TKTL1: variants seen among roughly 807,000 people sequenced by gnomAD.
TKTL1 encodes transketolase-like protein 1.
TKTL1 carries 1 observed loss-of-function variant against 39.3 expected under a neutral mutation model. That is an observed-to-expected ratio of 0.03 (90% CI 0.01 to 0.12). The LOEUF (loss-of-function observed/expected upper bound fraction) is 0.12, where lower values mean the gene tolerates loss of function less well. TKTL1 is among the 10% of genes least tolerant of loss of function. The pLI is 1.00. For missense variants in TKTL1, 575 were observed against 509.6 expected (o/e 1.13, Z -1.24); for synonymous variants, 262 against 193.8 (o/e 1.35, Z -2.92).
rs149221839 is a variant in TKTL1 at position 154,302,151 on chromosome X, T to C, written c.135-3153T>C. 5.0e-4 allele frequency among the ~76,000 whole-genome samples: 56 copies of C among 111,008 alleles called. 1 individual carries two copies. The East Asian group carries it at 0.015, about 31-fold the overall frequency. ...TCTCAATCGCCCTGTGTTTCCTCAG[T>C]GATACTCCAGACTTTCCAGATGTTC... On this transcript the variant is annotated intron_variant, in intron 1 of 12. Coordinates refer to ENST00000369915, the MANE Select transcript of TKTL1 (RefSeq NM_012253.4).
intron 8 of TKTL1, among the ~76,000 whole-genome samples, chrX:154,321,970 A>G (rs782119674): frequency 2.7e-5 from 3 of 110,248 alleles, no homozygotes; most frequent in South Asian, 3.8e-4. Flanking sequence ...AAATAGTCAC[A>G]TGGAGAAAGT....
rs139950286 is a variant in TKTL1, at chrX:154,323,295, C to T, written c.1275C>T (p.Ala425=). ...GCACGATCTTCTACCCAACTGATGC[C>T]GTCTCCACGGAGCATGCTGTTGCTC... The part of the protein sequence containing the change: ...PKCTIFYPTD[A]VSTEHAVALA... The change falls in exon 9 of 13, where the codon GCC becomes GCT. Residue 425 remains alanine, a synonymous_variant. Coordinates refer to ENST00000369915, the MANE Select transcript of TKTL1 (RefSeq NM_012253.4). 3,416 of 1,209,763 alleles carry T rather than the reference C, an allele frequency of 2.8e-3. 6 individuals are homozygous for T. The highest frequency in any genetic ancestry group is 2.8e-3 in the Non-Finnish European group (2,462 of 894,989).
intron 9 of TKTL1, 39 bp downstream of exon 9, chrX:154,323,376 T>A: frequency 8.3e-7 from 1 of 1,197,708 alleles, no homozygotes; most frequent in South Asian, 1.8e-5. Context: ...CAGAAAATGC[T>A]TCTGGACTCT....
At chrX:154,300,314 G>A (rs1168899956) in intron 1 of TKTL1, among the ~76,000 whole-genome samples, 2 of 112,206 alleles carry the variant, frequency 1.8e-5, no homozygotes, top group South Asian at 3.6e-4. Context: ...TGCCCAGCCC[G>A]ATGGTGTATT....
intron 1 of TKTL1, among the ~76,000 whole-genome samples, chrX:154,302,661 G>A (rs1222164873): frequency 8.9e-6 from 1 of 111,789 alleles, no homozygotes; most frequent in Admixed American, 9.5e-5. Context: ...TCAGTCCATG[G>A]CCTCCCGTAC....
intron 10 of TKTL1, among the ~76,000 whole-genome samples, chrX:154,326,349 G>A (rs907634194): frequency 7.1e-5 from 8 of 112,222 alleles, no homozygotes; most frequent in Non-Finnish European, 1.1e-4. Context: ...CATCACCTAG[G>A]GAGTGGGGCT....
intron 1 of TKTL1, among the ~76,000 whole-genome samples, chrX:154,301,049 T>C (rs960130448): frequency 9.0e-6 from 1 of 110,763 alleles, no homozygotes; most frequent in Non-Finnish European, 1.9e-5. Context: ...CTAGTTTGAC[T>C]TCCTCTTCTC....
intron 8 of TKTL1, among the ~76,000 whole-genome samples, chrX:154,322,067 C>T (rs939284253): frequency 9.1e-6 from 1 of 109,452 alleles, no homozygotes; most frequent in Non-Finnish European, 1.9e-5. Context: ...AACCCCATCT[C>T]TACTGAAAAT....
At chrX:154,305,563 T>A in intron 2 of TKTL1, 142 bp downstream of exon 2, 1 of 764,066 alleles carries the variant, frequency 1.3e-6, no homozygotes, top group Non-Finnish European at 1.8e-6. Context: ...AGCTCGAGTG[T>A]TCTAGTGAGG....
chrX:154,314,798 T>C (rs2067385002), intron 6 of TKTL1, among the ~76,000 whole-genome samples: 1 of 111,326 alleles, frequency 9.0e-6, no homozygotes, highest in African/African-American at 3.3e-5. Context: ...ATGCTGGGAT[T>C]ACAGATGTGA....
At chrX:154,301,048 C>T (rs1489323614) in intron 1 of TKTL1, among the ~76,000 whole-genome samples, 1 of 110,639 alleles carries the variant, frequency 9.0e-6, no homozygotes, top group Non-Finnish European at 1.9e-5. Context: ...ACTAGTTTGA[C>T]TTCCTCTTCT....
Position 154,327,510 on chromosome X carries a change from G to A in TKTL1, c.1402-81G>A, listed in dbSNP as rs1004905609. 56 of 825,910 alleles carry A rather than the reference G, an allele frequency of 6.8e-5. 1 individual carries two copies. Among genetic ancestry groups the A allele is most frequent in the Admixed American group, 2.7e-4 (12 of 45,041 alleles). The allele number at this position is 825,910 out of a possible 1,213,427, so 68.1% of individuals were successfully genotyped here. On this transcript the variant is annotated intron_variant, in intron 10 of 12. Coordinates refer to ENST00000369915, the MANE Select transcript of TKTL1 (RefSeq NM_012253.4). The stretch of plus-strand genomic sequence containing the variant: ...GAAATTGTTAGAATTGGGGGATAGC[G>A]GCATAGCAAAGTGCCTTCCACTTTG...
At chrX:154,325,480 C>G in intron 10 of TKTL1, 58 bp downstream of exon 10, 1 of 980,736 alleles carries the variant, frequency 1.0e-6, no homozygotes. Context: ...AAGAACACTT[C>G]TGAATCTATC....
intron 8 of TKTL1, among the ~76,000 whole-genome samples, chrX:154,322,217 G>A (rs1437529235): frequency 2.4e-5 from 2 of 82,443 alleles, no homozygotes; most frequent in Non-Finnish European, 4.6e-5. Flanking sequence ...TGGCGACAGA[G>A]AGAGGCTTTG....
intron 11 of TKTL1, 34 bp from the exon 12 acceptor site, chrX:154,327,801 CTCTT>C: frequency 8.3e-7 from 1 of 1,210,084 alleles, no homozygotes; most frequent in Non-Finnish European, 1.1e-6. Flanking sequence ...TATTCTGAGT[CTCTT>C]TCTTGTACCA....
intron 10 of TKTL1, among the ~76,000 whole-genome samples, chrX:154,327,033 G>A (rs1379630574): frequency 8.9e-6 from 1 of 111,740 alleles, no homozygotes; most frequent in Non-Finnish European, 1.9e-5. Flanking sequence ...AGCTTTGGAG[G>A]CAACAATCTA....
At chrX:154,313,094 C>T (rs782521008) in intron 6 of TKTL1, among the ~76,000 whole-genome samples, 2 of 111,857 alleles carry the variant, frequency 1.8e-5, no homozygotes, top group Non-Finnish European at 3.8e-5. Context: ...CTCCTGGCTC[C>T]CCTTCTCTTT....
At chrX:154,319,737 TAAA>T (rs59299490) in intron 7 of TKTL1, among the ~76,000 whole-genome samples, 10 of 89,722 alleles carry the variant, frequency 1.1e-4, no homozygotes, top group East Asian at 3.4e-4. Context: ...AGACCCTGTC[TAAA>T]AAAAAAAAAA....
chrX:154,322,229 CAAAAAAAAA>C (rs34229834), intron 8 of TKTL1, among the ~76,000 whole-genome samples: 5 of 41,851 alleles, frequency 1.2e-4, no homozygotes, highest in African/African-American at 3.2e-4. Flanking sequence ...GAGGCTTTGT[CAAAAAAAAA>C]AAAAAAAAAA....
Sources: allele counts gnomAD v4.1 joint callset (sites outside exome capture counted in the v4.1 genomes callset), GRCh38; gene constraint gnomAD v4.1.1; transcripts MANE v1.5; gene names NCBI Gene and HGNC (gene_info 2026-07-23, HGNC 2026-07-21).